The following ABHD3 variants were observed in gnomAD, a reference collection of about 807,000 sequenced individuals.
ABHD3 encodes the protein phospholipase ABHD3.
ABHD3 carries 46 observed loss-of-function variants against 48.8 expected under a neutral mutation model. The ratio of observed to expected loss-of-function variants is 0.94; its 90% CI spans 0.74 to 1.20. The LOEUF (loss-of-function observed/expected upper bound fraction) is 1.20, where lower values mean the gene tolerates loss of function less well. ABHD3 is among the 50% of genes most tolerant of loss of function. ABHD3 has a pLI of 0.00. For missense variants in ABHD3, 490 were observed against 497.8 expected (o/e 0.98, Z 0.15); for synonymous variants, 192 against 183.7 (o/e 1.04, Z -0.36).
At chr18:21,664,270 G>T (rs374203565) in intron 4 of ABHD3, 40 bp from the exon 5 acceptor site, 54 of 1,577,114 alleles carry the variant, frequency 3.4e-5, no homozygotes, top group Middle Eastern at 1.7e-4. Context: ...ATTACAATGT[G>T]AGGTTAATGA....
At chr18:21,670,012 T>C (rs1167318661) in intron 4 of ABHD3, among the ~76,000 whole-genome samples, 2 of 152,160 alleles carry the variant, frequency 1.3e-5, no homozygotes, top group Non-Finnish European at 2.9e-5. Flanking sequence ...AGTTTATGGC[T>C]GTGGGCAACT....
chr18:21,672,622 A>C (rs954908203), intron 4 of ABHD3, among the ~76,000 whole-genome samples: 1 of 152,202 alleles, frequency 6.6e-6, no homozygotes, highest in African/African-American at 2.4e-5. Context: ...AATGCTTTTA[A>C]AATAGGACTA....
chr18:21,696,548 T>C (rs1334605235), intron 3 of ABHD3, among the ~76,000 whole-genome samples: 2 of 152,196 alleles, frequency 1.3e-5, no homozygotes, highest in Non-Finnish European at 2.9e-5. Context: ...ATAATACCTA[T>C]TAGGCTATAT....
intron 4 of ABHD3, among the ~76,000 whole-genome samples, chr18:21,667,020 A>T (rs1310368085): frequency 6.6e-6 from 1 of 152,124 alleles, no homozygotes; most frequent in Non-Finnish European, 1.5e-5. Context: ...TGATCATGCT[A>T]GGAAAGTTTT....
chr18:21,651,104 CGTT>C lies in ABHD3; in HGVS notation c.*484_*486del, dbSNP rs1441201255. ...GTTAGAATACATAAAAGATTTAGCA[CGTT>C]GTATTTTATCTTATTTCAGTTTTCA... On this transcript the variant is annotated 3_prime_UTR_variant, in exon 9 of 9. Coordinates refer to ENST00000289119, the MANE Select transcript of ABHD3 (RefSeq NM_138340.5). The C allele has an allele frequency of 2.6e-5, 4 of 152,142 alleles. No homozygotes were observed. Among genetic ancestry groups the C allele is most frequent in the African/African-American group, 9.7e-5 (4 of 41,408 alleles). The allele number at this position is 152,142 out of a possible 1,614,324, so 9.4% of individuals were successfully genotyped here. A position where few individuals can be genotyped will look rare whatever the true frequency, so the allele number is the denominator to read the frequency against.
At chr18:21,654,842 C>T (rs1451810801) in intron 8 of ABHD3, 3 of 152,242 alleles carry the variant, frequency 2.0e-5, no homozygotes, top group South Asian at 2.1e-4. Context: ...ATTTTAAAGG[C>T]TTGGGAAAGA....
intron 3 of ABHD3, among the ~76,000 whole-genome samples, chr18:21,688,637 A>C (rs1213142649): frequency 1.3e-5 from 2 of 152,218 alleles, no homozygotes; most frequent in Non-Finnish European, 2.9e-5. Context: ...CTACAACAAA[A>C]AACAAGACAG....
chr18:21,700,248 C>T (rs1409419604), intron 3 of ABHD3, among the ~76,000 whole-genome samples: 3 of 151,184 alleles, frequency 2.0e-5, no homozygotes, highest in Non-Finnish European at 4.4e-5. Context: ...TGCCACCACA[C>T]CTGTCTAATT....
At chr18:21,656,267 T>C (rs571385000) in intron 8 of ABHD3, among the ~76,000 whole-genome samples, 1 of 152,194 alleles carries the variant, frequency 6.6e-6, no homozygotes, top group South Asian at 2.1e-4. Context: ...CTCAAACTTC[T>C]GGGCTCAAGT....
intron 1 of ABHD3, among the ~76,000 whole-genome samples, chr18:21,704,041 G>A (rs2040577975): frequency 6.6e-6 from 1 of 152,148 alleles, no homozygotes; most frequent in Admixed American, 6.5e-5. Flanking sequence ...GCAGGCGTCC[G>A]CCACCACGCC....
At chr18:21,674,464 T>C (rs1293471467) in intron 4 of ABHD3, among the ~76,000 whole-genome samples, 1 of 151,940 alleles carries the variant, frequency 6.6e-6, no homozygotes, top group African/African-American at 2.4e-5. Context: ...CCCAGGCCTG[T>C]CTCCAACTCC....
chr18:21,690,581 G>A (rs747700909), intron 3 of ABHD3, among the ~76,000 whole-genome samples: 4 of 152,078 alleles, frequency 2.6e-5, no homozygotes, highest in Admixed American at 1.3e-4. Flanking sequence ...CAGCCTGGGC[G>A]ACAGAGCAAG....
chr18:21,686,176 GA>G (rs2040125195), intron 3 of ABHD3, among the ~76,000 whole-genome samples: 1 of 152,226 alleles, frequency 6.6e-6, no homozygotes, highest in South Asian at 2.1e-4. Context: ...AATACATACA[GA>G]AAAGTCAGAG....
In ABHD3 at chr18:21,702,391, A is replaced by C; in HGVS notation, c.434T>G (p.Leu145Trp). 6.2e-7 allele frequency: 1 copy of C among 1,614,082 alleles called. No homozygotes were observed. Among genetic ancestry groups the C allele is most frequent in the Non-Finnish European group, 8.5e-7 (1 of 1,179,962 alleles). Residue 145 changes from leucine to tryptophan, a missense_variant, in exon 3 of 9, where the codon TTG becomes TGG. Coordinates refer to ENST00000289119, the MANE Select transcript of ABHD3 (RefSeq NM_138340.5). ...DASTRPTILL[L>W]PGLTGTSKES... ...CTTGCTTGTTCCCGTGAGGCCAGGC[A>C]ACAATAAGATAGTAGGTCTGGTGCT...
intron 1 of ABHD3, 86 bp from the exon 2 acceptor site, chr18:21,703,833 G>C (rs1182546077): frequency 1.4e-6 from 2 of 1,395,530 alleles, no homozygotes; most frequent in Non-Finnish European, 9.8e-7. Context: ...CTTGTCGCTC[G>C]CGCGCGCGCT....
At chr18:21,675,457 C>T (rs1305472907) in intron 4 of ABHD3, among the ~76,000 whole-genome samples, 1 of 151,766 alleles carries the variant, frequency 6.6e-6, no homozygotes, top group Non-Finnish European at 1.5e-5. Context: ...TTAGTAGAGA[C>T]AGGGTTTCAC....
rs1301379841 is a variant in ABHD3, at chr18:21,664,137, C to A, written c.649G>T (p.Ala217Ser). The A allele has an allele frequency of 6.2e-7, 1 of 1,611,796 alleles. No individual in the cohort carries two copies. Reference protein sequence around the residue: ...SLYPSAPFLAAGVSMGGMLLL... With the variant: ...SLYPSAPFLASGVSMGGMLLL... ...CCTTACCCTCCCATTGAAACCCCTGCTGCCAGGAAAGGAGCAGAAGGGTAC... is the reference window on the plus strand; with the variant it reads ...CCTTACCCTCCCATTGAAACCCCTGATGCCAGGAAAGGAGCAGAAGGGTAC... The change falls in exon 5 of 9, where the codon GCA becomes TCA. Residue 217 changes from alanine (A) to serine (S), a missense_variant. Ala to Ser is a moderately conservative substitution (Grantham distance 99). Transcript: ENST00000289119.
At chr18:21,691,520 C>T (rs1484027666) in intron 3 of ABHD3, among the ~76,000 whole-genome samples, 9 of 152,140 alleles carry the variant, frequency 5.9e-5, no homozygotes, top group African/African-American at 9.7e-5. Flanking sequence ...ACATAATTCA[C>T]GTACCTTTTT....
intron 3 of ABHD3, among the ~76,000 whole-genome samples, chr18:21,686,989 C>A (rs2040142121): frequency 6.6e-6 from 1 of 151,984 alleles, no homozygotes; most frequent in African/African-American, 2.4e-5. Flanking sequence ...AATCACGGCT[C>A]ACTGCAGCCT....
Sources: gnomAD v4.1 joint callset for allele counts (sites outside exome capture counted in the v4.1 genomes callset) on GRCh38, gnomAD v4.1.1 for gene constraint, MANE v1.5 for transcripts, NCBI Gene and HGNC (gene_info 2026-07-23, HGNC 2026-07-21) for gene names.